The following RGS7 variants were observed in gnomAD, a reference collection of about 807,000 sequenced individuals.
RGS7 encodes regulator of G protein signaling 7.
Under a neutral mutation model 81.1 loss-of-function variants are expected in RGS7, and 27 were observed. The observed-to-expected ratio is 0.33, with a 90% confidence interval of 0.25 to 0.46. The LOEUF (loss-of-function observed/expected upper bound fraction) is 0.46. RGS7 is among the 20% of genes least tolerant of loss of function. RGS7 has a pLI of 1.00. For synonymous variants in RGS7, 208 were observed against 207.7 expected (o/e 1.00, Z -0.01); for missense variants, 396 against 607.4 (o/e 0.65, Z 3.66).
chr1:241,116,845 A>G (rs1325290743), intron 2 of RGS7, among the ~76,000 whole-genome samples: 1 of 152,180 alleles, frequency 6.6e-6, no homozygotes, highest in African/African-American at 2.4e-5. Flanking sequence ...GTTATTGTTA[A>G]CTATAGTCAT....
chr1:240,806,032 T>C lies in RGS7; in HGVS notation c.1269+108A>G, dbSNP rs1466699902. The C allele has an allele frequency of 6.2e-6, 6 of 971,514 alleles. No homozygotes were observed. The African/African-American group carries it at 6.4e-5, about 10-fold the overall frequency. The allele number at this position is 971,514 out of a possible 1,614,324, so 60.2% of individuals were successfully genotyped here. On this transcript the variant is annotated intron_variant, in intron 15 of 18. Transcript: ENST00000440928. ...TAGAGTTATTTTACAGTTATCTAAATTGAAAATGTTAGAAATAGCTGCCAT... is the reference window on the plus strand; with the variant it reads ...TAGAGTTATTTTACAGTTATCTAAACTGAAAATGTTAGAAATAGCTGCCAT...
intron 3 of RGS7, among the ~76,000 whole-genome samples, chr1:241,030,361 C>CATATATATATATATATATATATATATAT (rs370562497): frequency 0.027 from 2,711 of 100,346 alleles, 196 homozygotes; most frequent in Non-Finnish European, 0.041. Flanking sequence ...GAACTTATAG[C>CATATATATATATATATATATATATATAT]ATATATATAT....
intron 2 of RGS7, among the ~76,000 whole-genome samples, chr1:241,298,827 T>C (rs1217907567): frequency 6.6e-6 from 1 of 152,240 alleles, no homozygotes; most frequent in Non-Finnish European, 1.5e-5. Context: ...TCAACGCTCT[T>C]CCAGCATCTC....
At chr1:241,112,321 G>C (rs1047068454) in intron 2 of RGS7, among the ~76,000 whole-genome samples, 2 of 152,100 alleles carry the variant, frequency 1.3e-5, no homozygotes, top group African/African-American at 4.8e-5. Flanking sequence ...GTTCTTCCAA[G>C]AGTAATTAAA....
intron 2 of RGS7, among the ~76,000 whole-genome samples, chr1:241,126,053 T>C (rs1404822410): frequency 1.3e-5 from 2 of 152,190 alleles, no homozygotes; most frequent in African/African-American, 2.4e-5. Flanking sequence ...AGTTAGAAGA[T>C]AACGTTGCCT....
At chr1:240,928,217 C>T (rs957085791) in intron 6 of RGS7, among the ~76,000 whole-genome samples, 2 of 152,204 alleles carry the variant, frequency 1.3e-5, no homozygotes, top group Non-Finnish European at 2.9e-5. Context: ...CGAAGGCCTA[C>T]CTTTCTTGTG....
In RGS7 at chr1:240,816,356, T is replaced by C; in HGVS notation, c.744A>G (p.Pro248=). Reference sequence around the variant, plus strand: ...CATCTTCTGTTGGAGGTTTAGTTTCTGGTGTGGGTGTGTGGGTAGGACTGT... The same window carrying C: ...CATCTTCTGTTGGAGGTTTAGTTTCCGGTGTGGGTGTGTGGGTAGGACTGT... ...RSHSPTHTPT[P]ETKPPTEDEL... is the part of the protein sequence containing the mutation. The change falls in exon 11 of 19, where the codon CCA becomes CCG. Residue 248 remains proline, a synonymous_variant. Coordinates refer to ENST00000440928, the MANE Select transcript of RGS7 (RefSeq NM_001364886.1). 1 of 1,612,584 alleles carries C rather than the reference T, an allele frequency of 6.2e-7. No individual in the cohort carries two copies. Among genetic ancestry groups the C allele is most frequent in the Non-Finnish European group, 8.5e-7 (1 of 1,178,642 alleles).
At chr1:240,913,225 G>A (rs1446790804) in intron 6 of RGS7, among the ~76,000 whole-genome samples, 1 of 152,136 alleles carries the variant, frequency 6.6e-6, no homozygotes, top group Non-Finnish European at 1.5e-5. Context: ...GTGAATAATT[G>A]TTTTTATTTT....
chr1:240,887,649 C>T (rs1667606199), intron 6 of RGS7, among the ~76,000 whole-genome samples: 1 of 152,170 alleles, frequency 6.6e-6, no homozygotes, highest in Non-Finnish European at 1.5e-5. Flanking sequence ...GATTTGTAAA[C>T]AATATCGATT....
intron 4 of RGS7, among the ~76,000 whole-genome samples, chr1:240,977,091 T>TACACACACACAC (rs60732630): frequency 8.2e-5 from 11 of 133,814 alleles, no homozygotes; most frequent in South Asian, 2.6e-4. Context: ...TATCCATCTG[T>TACACACACACAC]ACACACACAC....
chr1:240,812,035 G>C lies in RGS7; in HGVS notation c.965C>G (p.Pro322Arg). ...TFWELEASKE[P>R]SQQRVKRWGF... ...CCATCGTTTTACCCTCTGCTGGCTC[G>C]GTTCTTTGCTATAGAAGATAAAACA... Residue 322 changes from proline to arginine, a missense_variant, in exon 14 of 19, where the codon CCG (proline) becomes CGG (arginine). Physicochemically the swap from Pro to Arg is moderately radical, Grantham distance 103 (BLOSUM62 -2). Coordinates refer to ENST00000440928, the MANE Select transcript of RGS7 (RefSeq NM_001364886.1). 1 of 1,613,976 alleles carries C rather than the reference G, an allele frequency of 6.2e-7. No individual in the cohort carries two copies. The highest frequency in any genetic ancestry group is 1.6e-4 in the Middle Eastern group (1 of 6,062).
intron 2 of RGS7, among the ~76,000 whole-genome samples, chr1:241,290,678 A>G (rs1247345090): frequency 1.3e-5 from 2 of 152,226 alleles, no homozygotes; most frequent in African/African-American, 2.4e-5. Flanking sequence ...TATAGCTAAA[A>G]GACTAAAATT....
chr1:241,309,976 C>T (rs1226218811), intron 2 of RGS7, among the ~76,000 whole-genome samples: 2 of 152,160 alleles, frequency 1.3e-5, no homozygotes, highest in African/African-American at 4.8e-5. Flanking sequence ...TCCTGAATAA[C>T]CCTAGTGAGT....
At chr1:241,316,983 C>T (rs1020239375) in intron 2 of RGS7, among the ~76,000 whole-genome samples, 6 of 152,150 alleles carry the variant, frequency 3.9e-5, no homozygotes, top group African/African-American at 1.4e-4. Flanking sequence ...TTTATATTTG[C>T]AATGTTAACA....
intron 2 of RGS7, among the ~76,000 whole-genome samples, chr1:241,131,406 C>T (rs1052836323): frequency 1.3e-5 from 2 of 152,172 alleles, no homozygotes; most frequent in African/African-American, 4.8e-5. Context: ...CTGGACCCAA[C>T]TTCCAGAGTT....
intron 2 of RGS7, among the ~76,000 whole-genome samples, chr1:241,139,917 A>G (rs189347920): frequency 1.2e-3 from 188 of 152,352 alleles, no homozygotes; most frequent in Non-Finnish European, 2.2e-3. Flanking sequence ...GTTTATAACC[A>G]TCACCTAGGT....
chr1:240,901,247 G>A (rs1373748240), intron 6 of RGS7, among the ~76,000 whole-genome samples: 3 of 152,194 alleles, frequency 2.0e-5, no homozygotes, highest in African/African-American at 7.2e-5. Context: ...CTTCCCAGGT[G>A]AGGCGATGCC....
At chr1:241,007,186 G>C (rs2058722914) in intron 3 of RGS7, among the ~76,000 whole-genome samples, 1 of 151,992 alleles carries the variant, frequency 6.6e-6, no homozygotes, top group Admixed American at 6.6e-5. Flanking sequence ...CAAAGTGCTG[G>C]GATTACAGGT....
chr1:241,298,117 A>G (rs2079531046), intron 2 of RGS7, among the ~76,000 whole-genome samples: 1 of 152,236 alleles, frequency 6.6e-6, no homozygotes, highest in South Asian at 2.1e-4. Context: ...TTCATTTCCC[A>G]TTAAATCTGC....
Sources: allele counts gnomAD v4.1 joint callset (sites outside exome capture counted in the v4.1 genomes callset), GRCh38; gene constraint gnomAD v4.1.1; transcripts MANE v1.5; gene names NCBI Gene and HGNC (gene_info 2026-07-23, HGNC 2026-07-21).